Variants in PTPRO observed in about 807,000 individuals in gnomAD.
PTPRO encodes protein tyrosine phosphatase receptor type O.
PTPRO carries 62 observed loss-of-function variants against 145.2 expected under a neutral mutation model. The observed-to-expected ratio is 0.43, with a 90% CI of 0.35 to 0.53. The LOEUF (loss-of-function observed/expected upper bound fraction) is 0.53, where lower values mean the gene tolerates loss of function less well. Among genes scored for constraint, PTPRO ranks in the 20% least tolerant of loss-of-function variants. The pLI, the probability that PTPRO is intolerant of heterozygous loss-of-function variation, is 0.01. For synonymous variants in PTPRO, 565 were observed against 514.7 expected, an observed-to-expected ratio of 1.10 and a Z score of -1.32; for missense variants, 1,345 against 1,482.7, an observed-to-expected ratio of 0.91 and a Z score of 1.53.
intron 12 of PTPRO, among the ~76,000 whole-genome samples, chr12:15,538,625 G>A (rs1267132704): frequency 1.3e-5 from 2 of 152,226 alleles, no homozygotes; most frequent in African/African-American, 4.8e-5. Context: ...ATCTGAAGGA[G>A]GGACACATAG....
intron 1 of PTPRO, among the ~76,000 whole-genome samples, chr12:15,373,435 A>T (rs1412512170): frequency 6.6e-6 from 1 of 152,134 alleles, no homozygotes; most frequent in Admixed American, 6.5e-5. Flanking sequence ...TGTGGTGGAG[A>T]TGGAGAGATT....
In PTPRO at chr12:15,567,041, G is replaced by T. The variant is rs970006433; in HGVS notation, c.2747+1413G>T. Among the ~76,000 whole-genome samples the T allele has an allele frequency of 2.0e-5, 3 of 152,252 alleles. No individual in the cohort carries two copies. The East Asian group carries it at 5.8e-4, about 29-fold the overall frequency. ...GAAGATAGCGTCCTTGGACGAAAAG[G>T]AGAGACTGTCAAGGCTTGCTCCTCC... On this transcript the variant is annotated intron_variant, in intron 18 of 26. Transcript: ENST00000281171.
intron 1 of PTPRO, among the ~76,000 whole-genome samples, chr12:15,353,649 A>G (rs1937885852): frequency 6.6e-6 from 1 of 152,158 alleles, no homozygotes; most frequent in Admixed American, 6.5e-5. Flanking sequence ...ATTTTTCCTC[A>G]AAGGCTTTGG....
At chr12:15,434,756 G>A (rs1389997394) in intron 1 of PTPRO, among the ~76,000 whole-genome samples, 2 of 152,132 alleles carry the variant, frequency 1.3e-5, no homozygotes, top group African/African-American at 4.8e-5. Context: ...ATTTAAAAGA[G>A]CTGTTGAATG....
intron 1 of PTPRO, among the ~76,000 whole-genome samples, chr12:15,378,619 G>A (rs1298966591): frequency 2.0e-5 from 3 of 151,838 alleles, no homozygotes; most frequent in African/African-American, 7.3e-5. Context: ...AACATTTATG[G>A]GAGAAATAAA....
chr12:15,548,505 T>A (rs1195612913), intron 13 of PTPRO, among the ~76,000 whole-genome samples: 1 of 149,392 alleles, frequency 6.7e-6, no homozygotes, highest in African/African-American at 2.5e-5. Context: ...GCATATATTG[T>A]GTGTATATAT....
chr12:15,329,704 G>A (rs1866551667), intron 1 of PTPRO, among the ~76,000 whole-genome samples: 1 of 152,160 alleles, frequency 6.6e-6, no homozygotes, highest in East Asian at 1.9e-4. Flanking sequence ...GTACAGAAGT[G>A]GATAATACTC....
intron 1 of PTPRO, among the ~76,000 whole-genome samples, chr12:15,434,418 G>T (rs1258027838): frequency 6.6e-6 from 1 of 152,152 alleles, no homozygotes; most frequent in Non-Finnish European, 1.5e-5. Flanking sequence ...CTAAGGACAA[G>T]TAAGTTCTTT....
intron 25 of PTPRO, among the ~76,000 whole-genome samples, chr12:15,591,726 G>A (rs1207597916): frequency 6.6e-6 from 1 of 151,974 alleles, no homozygotes; most frequent in Non-Finnish European, 1.5e-5. Flanking sequence ...AGCTGGGCGT[G>A]GTGGCACACG....
At chr12:15,458,249 G>A (rs1121611) in intron 1 of PTPRO, among the ~76,000 whole-genome samples, 128,891 of 152,072 alleles carry the variant, frequency 0.85, 56,933 homozygotes, top group South Asian at 0.97. Context: ...TTCCCTGTAT[G>A]TGATAAGTCA....
chr12:15,351,500 A>T (rs1317787257), intron 1 of PTPRO, among the ~76,000 whole-genome samples: 1 of 152,154 alleles, frequency 6.6e-6, no homozygotes, highest in Non-Finnish European at 1.5e-5. Flanking sequence ...TTCAAAGATT[A>T]TATGGAACAG....
chr12:15,510,500 T>A (rs533775537), intron 7 of PTPRO, among the ~76,000 whole-genome samples: 2 of 152,172 alleles, frequency 1.3e-5, no homozygotes, highest in Non-Finnish European at 2.9e-5. Flanking sequence ...CACATAAGAA[T>A]AAAAAGGCTA....
rs113717472 is a variant in PTPRO, at chr12:15,423,318, T to C, written c.76-60656T>C. On this transcript the variant is annotated intron_variant, in intron 1 of 26. Coordinates refer to ENST00000281171, the MANE Select transcript of PTPRO (RefSeq NM_030667.3). ...TTACAATTTACCGATCTTGTGAAAT[T>C]AGACCATTAATTATCTTTTAAATGT... Among the ~76,000 whole-genome samples, 769 of 152,320 alleles carry C rather than the reference T, an allele frequency of 5.0e-3. 5 individuals carry two copies. The highest frequency in any genetic ancestry group is 0.017 in the African/African-American group (717 of 41,566).
chr12:15,445,522 AT>A (rs1209202390), intron 1 of PTPRO, among the ~76,000 whole-genome samples: 3 of 152,124 alleles, frequency 2.0e-5, no homozygotes, highest in Non-Finnish European at 4.4e-5. Context: ...TTTTTAAAGC[AT>A]TATGTGTCAA....
rs142830624 is a variant in PTPRO, at chr12:15,579,065, G to A, written c.2920+122G>A. 3.3e-4 allele frequency: 260 copies of A among 781,214 alleles called. 1 individual carries two copies. The East Asian group carries it at 4.0e-3, about 12-fold the overall frequency. 48.4% of individuals were successfully genotyped at this position (781,214 alleles called of 1,614,324 possible). A position where few individuals can be genotyped will look rare whatever the true frequency, so the allele number is the denominator to read the frequency against. ...CTTGTGGTCCGGATCTCAAGGCCAC[G>A]TCTGAGATTGCATTGATCTCACTCT... On this transcript the variant is annotated intron_variant, in intron 20 of 26. Coordinates refer to ENST00000281171, the MANE Select transcript of PTPRO (RefSeq NM_030667.3).
At chr12:15,352,936 T>A (rs1393296282) in intron 1 of PTPRO, among the ~76,000 whole-genome samples, 1 of 152,198 alleles carries the variant, frequency 6.6e-6, no homozygotes, top group African/African-American at 2.4e-5. Context: ...TATATGTCAA[T>A]ATATCATGCA....
chr12:15,520,273 T>A lies in PTPRO; in HGVS notation c.1852T>A (p.Leu618Met). 1.9e-6 allele frequency: 3 copies of A among 1,613,826 alleles called. No individual in the cohort carries two copies. The highest frequency in any genetic ancestry group is 1.7e-6 in the Non-Finnish European group (2 of 1,179,816). Residue 618 changes from leucine (L) to methionine (M), a missense_variant, in exon 10 of 27, where the codon TTG becomes ATG. Around this residue, in one of 3 missense-constraint regions of PTPRO, gnomAD observed 1,130 missense variants for 1,214.7 expected, o/e 0.93. Transcript: ENST00000281171. Reference protein sequence around the residue: ...VTMVTWGDPELSCCDSSTISF... With the variant: ...VTMVTWGDPEMSCCDSSTISF... ...CATGGTGACGTGGGGAGATCCAGAA[T>A]TGAGCTGCTGTGACAGCTCTACCAT...
chr12:15,486,664 T>A (rs1941894344), intron 2 of PTPRO, among the ~76,000 whole-genome samples: 1 of 152,028 alleles, frequency 6.6e-6, no homozygotes, highest in African/African-American at 2.4e-5. Flanking sequence ...AAATATTATT[T>A]CAACATATAA....
chr12:15,585,651 G>C (rs893519283), intron 23 of PTPRO, among the ~76,000 whole-genome samples: 9 of 151,962 alleles, frequency 5.9e-5, no homozygotes, highest in African/African-American at 1.9e-4. Context: ...TTAAATTTTA[G>C]CTCAAAACTG....
Sources: allele counts gnomAD v4.1 joint callset (sites outside exome capture counted in the v4.1 genomes callset), GRCh38; gene constraint gnomAD v4.1.1; regional missense constraint gnomAD v4.1.1; transcripts MANE v1.5; gene names NCBI Gene and HGNC (gene_info 2026-07-23, HGNC 2026-07-21).